Variants in CFAP161 observed in about 807,000 individuals in gnomAD.
The protein encoded by CFAP161 is cilia- and flagella-associated protein 161.
A neutral mutation model predicts 29.0 loss-of-function variants in CFAP161; 25 were observed. The observed-to-expected ratio is 0.86, with a 90% CI of 0.63 to 1.20. The LOEUF (loss-of-function observed/expected upper bound fraction) is 1.20. CFAP161 is among the 50% of genes most tolerant of loss of function. The pLI, the probability that CFAP161 is intolerant of heterozygous loss-of-function variation, is 0.00. For missense variants in CFAP161, 367 were observed against 371.9 expected, an observed-to-expected ratio of 0.99 and a Z score of 0.11; for synonymous variants, 116 against 137.4, an observed-to-expected ratio of 0.84 and a Z score of 1.09.
At chr15:81,129,406 C>CGGTGGAAGGTGAAAGGCACATCTCACAT (rs1567155331), upstream of CFAP161, among the ~76,000 whole-genome samples, 1 of 151,968 alleles carries the variant, frequency 6.6e-6, no homozygotes, top group African/African-American at 2.4e-5. Context: ...CTCACAATCA[C>CGGTGGAAGGTGAAAGGCACATCTCACAT]GGTGGAAGGT....
At position 81,112,194 on chromosome 15, in the gene CFAP161, G is replaced by GT. The variant is rs199789346; in HGVS notation, c.-141-15384dup. ...AGCCGAGTGAAAGGAGCTTCAATCT[G>GT]TTTTTTTTTTTTCTTTACTACACTG... On this transcript the variant is annotated intron_variant, in intron 1 of 4. Transcript: ENST00000560091. Among the ~76,000 whole-genome samples the GT allele has an allele frequency of 7.2e-3, 1,033 of 144,146 alleles. 4 individuals are homozygous for GT. The highest frequency in any genetic ancestry group is 0.016 in the East Asian group (78 of 4,976). The allele number at this position is 144,146 out of a possible 152,430, so 94.6% of individuals were successfully genotyped here.
At chr15:81,118,285 A>T (rs1003040020) in intron 1 of CFAP161, 5 of 510,790 alleles carry the variant, frequency 9.8e-6, no homozygotes, top group African/African-American at 2.0e-5. Context: ...TTCAGCTGTT[A>T]AGCTCTCAAT....
At chr15:81,139,590 A>G (rs542952356) in intron 4 of CFAP161, among the ~76,000 whole-genome samples, 1 of 152,172 alleles carries the variant, frequency 6.6e-6, no homozygotes, top group Admixed American at 6.5e-5. Context: ...CATAAGATAT[A>G]ATTGTGTGGC....
chr15:81,102,672 AAAT>A (rs1476079185), intron 1 of CFAP161, among the ~76,000 whole-genome samples: 1 of 152,134 alleles, frequency 6.6e-6, no homozygotes, highest in Non-Finnish European at 1.5e-5. Context: ...TGTTTCAAAA[AAAT>A]TAAAAAGTAA....
upstream of CFAP161, among the ~76,000 whole-genome samples, chr15:81,133,539 C>A (rs1894752989): frequency 1.3e-5 from 2 of 152,100 alleles, no homozygotes. Flanking sequence ...CTGCATCAAG[C>A]CTCCGGTAGT....
intron 1 of CFAP161, among the ~76,000 whole-genome samples, chr15:81,114,740 T>G (rs1437925855): frequency 6.6e-6 from 1 of 152,198 alleles, no homozygotes; most frequent in African/African-American, 2.4e-5. Flanking sequence ...CTCGGCTCAC[T>G]GCAAGCTCCG....
chr15:81,135,942 A>G (rs1894802296), intron 2 of CFAP161, among the ~76,000 whole-genome samples: 1 of 152,228 alleles, frequency 6.6e-6, no homozygotes, highest in South Asian at 2.1e-4. Context: ...CCAAAGGATT[A>G]TAAAACATGC....
intron 1 of CFAP161, among the ~76,000 whole-genome samples, chr15:81,126,337 C>A (rs1302836116): frequency 6.6e-6 from 1 of 151,926 alleles, no homozygotes; most frequent in African/African-American, 2.4e-5. Context: ...GAAAAACTTC[C>A]TTCATCTTAT....
chr15:81,125,273 A>G (rs922631591), intron 1 of CFAP161, among the ~76,000 whole-genome samples: 1 of 152,294 alleles, frequency 6.6e-6, no homozygotes, highest in Admixed American at 6.5e-5. Context: ...AATAGCCTGT[A>G]TTAGGTATTT....
chr15:81,120,331 G>C (rs552670358), intron 1 of CFAP161, among the ~76,000 whole-genome samples: 4 of 152,252 alleles, frequency 2.6e-5, no homozygotes, highest in African/African-American at 9.6e-5. Flanking sequence ...CAAGTTTCCT[G>C]GCTACAAGGA....
rs555294276 is a variant in CFAP161, at chr15:81,118,276, T to G, written c.-141-9314T>G. The stretch of plus-strand genomic sequence containing the variant: ...ACGGAGGAACTCTAAGTTCACAAAT[T>G]CAGCTGTTAAGCTCTCAATTTTCCA... On this transcript the variant is annotated intron_variant, in intron 1 of 4. Transcript: ENST00000560091. 2.1e-5 allele frequency: 11 copies of G among 517,740 alleles called. No individual in the cohort carries two copies. The African/African-American group carries it at 2.2e-4, about 10-fold the overall frequency. The allele number at this position is 517,740 out of a possible 1,614,324, so 32.1% of individuals were successfully genotyped here. A position where few individuals can be genotyped will look rare whatever the true frequency, so the allele number is the denominator to read the frequency against.
At chr15:81,143,607 T>C in intron 4 of CFAP161, 55 bp from the exon 5 acceptor site, 3 of 1,554,022 alleles carry the variant, frequency 1.9e-6, no homozygotes, top group South Asian at 1.2e-5. Context: ...GCTTCTTTAT[T>C]CTCCAGCTTT....
intron 2 of CFAP161, among the ~76,000 whole-genome samples, chr15:81,135,935 A>G (rs1894802214): frequency 6.6e-6 from 1 of 152,172 alleles, no homozygotes; most frequent in Non-Finnish European, 1.5e-5. Flanking sequence ...TATATACCCA[A>G]AGGATTATAA....
chr15:81,131,057 C>T (rs887049172), upstream of CFAP161, among the ~76,000 whole-genome samples: 8 of 148,876 alleles, frequency 5.4e-5, no homozygotes, highest in Admixed American at 6.8e-5. Flanking sequence ...GACACAGAGA[C>T]GTGAAGTGAG....
chr15:81,128,011 A>G (rs1301625207), intron 2 of CFAP161, among the ~76,000 whole-genome samples: 1 of 152,232 alleles, frequency 6.6e-6, no homozygotes, highest in African/African-American at 2.4e-5. Context: ...AAGATCAATA[A>G]CAAGGTGACA....
chr15:81,125,230 AC>A (rs1255020988), intron 1 of CFAP161, among the ~76,000 whole-genome samples: 2 of 152,156 alleles, frequency 1.3e-5, no homozygotes, highest in Non-Finnish European at 2.9e-5. Flanking sequence ...AAAGCCCATC[AC>A]CATTTCAAGT....
intron 5 of CFAP161, among the ~76,000 whole-genome samples, chr15:81,146,872 A>G (rs1595921402): frequency 8.1e-6 from 1 of 122,704 alleles, no homozygotes; most frequent in East Asian, 2.5e-4. Context: ...ATATATATAT[A>G]TATATATATA....
chr15:81,108,610 T>C (rs1211672357), intron 1 of CFAP161, among the ~76,000 whole-genome samples: 1 of 152,188 alleles, frequency 6.6e-6, no homozygotes, highest in East Asian at 1.9e-4. Flanking sequence ...TACAGATTCT[T>C]AGGGCCCTCT....
chr15:81,139,266 C>CT (rs1161723119), intron 4 of CFAP161, among the ~76,000 whole-genome samples: 1 of 151,944 alleles, frequency 6.6e-6, no homozygotes, highest in African/African-American at 2.4e-5. Context: ...CACTGTACTC[C>CT]AGCCTGGGTG....
Sources: gnomAD v4.1 joint callset for allele counts (sites outside exome capture counted in the v4.1 genomes callset) on GRCh38, gnomAD v4.1.1 for gene constraint, MANE v1.5 for transcripts, NCBI Gene and HGNC (gene_info 2026-07-23, HGNC 2026-07-21) for gene names.